The following SLC17A1 variants were observed in gnomAD, a reference collection of about 807,000 sequenced individuals.
SLC17A1 encodes sodium-dependent phosphate transport protein 1.
In SLC17A1, 51 loss-of-function variants were observed where a neutral mutation model predicts 53.5. The observed-to-expected ratio is 0.95, with a 90% CI of 0.76 to 1.20. The LOEUF is 1.20. SLC17A1 is among the 50% of genes most tolerant of loss of function. The pLI is 0.00. For synonymous variants in SLC17A1, 179 were observed against 198.8 expected, an observed-to-expected ratio of 0.90 and a Z score of 0.84; for missense variants, 538 against 568.2, an observed-to-expected ratio of 0.95 and a Z score of 0.54.
chr6:25,760,241 T>G, the SLC17A1 span, among the ~76,000 whole-genome samples: 2 of 152,224 alleles, frequency 1.3e-5, no homozygotes, highest in Admixed American at 1.3e-4. Context: ...TATTCATATA[T>G]TATTCCAATA....
At chr6:25,728,355 A>G in the SLC17A1 span, among the ~76,000 whole-genome samples, 1 of 152,192 alleles carries the variant, frequency 6.6e-6, no homozygotes, top group Non-Finnish European at 1.5e-5. Context: ...CTCCATCTGT[A>G]AGAGCTCCCA....
downstream of SLC17A1, chr6:25,780,411 T>C (rs1763238317): frequency 6.6e-6 from 1 of 152,210 alleles, no homozygotes; most frequent in Non-Finnish European, 1.5e-5. Flanking sequence ...GGGCCACCCC[T>C]GCAAAGTTTC....
chr6:25,787,326 TA>T (rs59569607), intron 12 of SLC17A1, among the ~76,000 whole-genome samples: 136 of 146,980 alleles, frequency 9.3e-4, no homozygotes, highest in East Asian at 1.2e-3. Flanking sequence ...ATCTCTACTT[TA>T]AAAAAAAAAA....
At chr6:25,726,458 A>C in the SLC17A1 span, 58 of 1,613,854 alleles carry the variant, frequency 3.6e-5, no homozygotes, top group Non-Finnish European at 4.9e-5. Flanking sequence ...GGAAACTGCA[A>C]ACCCGCTCTA....
intron 3 of SLC17A1, among the ~76,000 whole-genome samples, chr6:25,820,707 C>T (rs78944445): frequency 2.0e-5 from 3 of 151,762 alleles, no homozygotes; most frequent in Admixed American, 2.0e-4. Flanking sequence ...AGTGAAACCC[C>T]GTCTCTACTA....
In SLC17A1 at chr6:25,823,758, G is replaced by A. The variant is rs11968841; in HGVS notation, c.207+2703C>T. 8.9e-3 allele frequency among the ~76,000 whole-genome samples: 1,351 copies of A among 151,900 alleles called. 17 individuals are homozygous for A. The highest frequency in any genetic ancestry group is 0.029 in the African/African-American group (1,222 of 41,478). ...GGCTTGTTTTTTCATTATCTTAACA[G>A]TATTTTAAATTCTGATGAAGTTCAG... On this transcript the variant is annotated intron_variant, in intron 3 of 12. Coordinates refer to ENST00000244527, the MANE Select transcript of SLC17A1 (RefSeq NM_005074.5).
chr6:25,830,464 T>C, intron 2 of SLC17A1, 60 bp downstream of exon 2: 1 of 1,241,164 alleles, frequency 8.1e-7, no homozygotes, highest in East Asian at 2.3e-5. Flanking sequence ...CCACATGGAA[T>C]CTGTGATGTA....
chr6:25,731,162 G>T, the SLC17A1 span, among the ~76,000 whole-genome samples: 3 of 152,162 alleles, frequency 2.0e-5, no homozygotes, highest in Non-Finnish European at 4.4e-5. Context: ...TCACAGAGAC[G>T]CAGAAACCTT....
At chr6:25,732,352 C>G in the SLC17A1 span, 1 of 262,230 alleles carries the variant, frequency 3.8e-6, no homozygotes, top group Non-Finnish European at 7.4e-6. Flanking sequence ...GCCAATCAAT[C>G]AGATAATCCA....
At chr6:25,728,855 T>A in the SLC17A1 span, among the ~76,000 whole-genome samples, 39 of 152,172 alleles carry the variant, frequency 2.6e-4, 1 homozygote, top group South Asian at 8.1e-3. Flanking sequence ...ACAAGACCCG[T>A]TAAAATAAGT....
the SLC17A1 span, among the ~76,000 whole-genome samples, chr6:25,754,222 C>T: frequency 6.6e-6 from 1 of 152,056 alleles, no homozygotes; most frequent in Non-Finnish European, 1.5e-5. Context: ...AATGTTTTGC[C>T]ATAAAAGGGA....
the SLC17A1 span, among the ~76,000 whole-genome samples, chr6:25,753,407 T>A: frequency 6.6e-6 from 1 of 152,138 alleles, no homozygotes; most frequent in East Asian, 1.9e-4. Flanking sequence ...TTTGGAAGAC[T>A]TTTACACCAG....
At chr6:25,723,839 G>A in the SLC17A1 span, among the ~76,000 whole-genome samples, 63 of 152,074 alleles carry the variant, frequency 4.1e-4, no homozygotes, top group Non-Finnish European at 6.9e-4. Flanking sequence ...TTATTATCAC[G>A]TGTAACTATT....
chr6:25,812,682 A>G lies in SLC17A1; in HGVS notation c.897+149T>C, dbSNP rs1764198727. 12 of 614,524 alleles carry G rather than the reference A, an allele frequency of 2.0e-5. No homozygotes were observed. The South Asian group carries it at 2.4e-4, about 12-fold the overall frequency. The allele number at this position is 614,524 out of a possible 1,614,324, so 38.1% of individuals were successfully genotyped here. ...CTTCTGTTTTGGGCAATGTTCATAG[A>G]AAGAGCAGAAACAGTTAGTTTCCAG... On this transcript the variant is annotated intron_variant, in intron 8 of 12. Transcript: ENST00000244527.
At chr6:25,826,349 T>C (rs1360567637) in intron 3 of SLC17A1, 112 bp downstream of exon 3, 1 of 843,090 alleles carries the variant, frequency 1.2e-6, no homozygotes, top group Non-Finnish European at 1.7e-6. Context: ...AGATGAAGAC[T>C]TGAGCTTCTT....
Position 25,787,799 on chromosome 6 carries a change from C to T in SLC17A1, c.*3-4581G>A, listed in dbSNP as rs959196879. 2.6e-5 allele frequency among the ~76,000 whole-genome samples: 4 copies of T among 152,216 alleles called. 1 individual carries two copies. The highest frequency in any genetic ancestry group is 2.6e-4 in the Admixed American group (4 of 15,284). Reference sequence around the variant, plus strand: ...GAATACATCCTGATGGCTTCATCCCCCTTACCCTGACCACTCAGTAACCTC... The same window carrying T: ...GAATACATCCTGATGGCTTCATCCCTCTTACCCTGACCACTCAGTAACCTC... On this transcript the variant is annotated intron_variant, in intron 12 of 12. Coordinates refer to ENST00000244527, the MANE Select transcript of SLC17A1 (RefSeq NM_005074.5).
At chr6:25,780,316 A>G (rs552949580), downstream of SLC17A1, 3 of 152,356 alleles carry the variant, frequency 2.0e-5, no homozygotes, top group Admixed American at 2.0e-4. Context: ...ACACAAGTGA[A>G]TATGTAATAA....
chr6:25,743,382 T>C, the SLC17A1 span, among the ~76,000 whole-genome samples: 1 of 152,240 alleles, frequency 6.6e-6, no homozygotes, highest in Non-Finnish European at 1.5e-5. Context: ...AGTTCTCTGA[T>C]GATACATTCT....
rs200114666 is a variant in SLC17A1, at chr6:25,819,929, G to A, written c.208-14C>T. 7,213 of 1,542,618 alleles carry A rather than the reference G, an allele frequency of 4.7e-3. 40 individuals carry two copies. The highest frequency in any genetic ancestry group is 0.012 in the South Asian group (1,044 of 85,372). On this transcript the variant is annotated splice_polypyrimidine_tract_variant and intron_variant, in intron 3 of 12. Transcript: ENST00000244527. ...ATACATAGGGTTCTAAAAGACAAGG[G>A]GGGACATGTCGAATCACTCTGCATA...
Sources: allele counts gnomAD v4.1 joint callset (sites outside exome capture counted in the v4.1 genomes callset), GRCh38; gene constraint gnomAD v4.1.1; transcripts MANE v1.5; gene names NCBI Gene and HGNC (gene_info 2026-07-23, HGNC 2026-07-21).